OTOGL: variants seen among roughly 807,000 people sequenced by gnomAD.
OTOGL encodes otogelin-like protein.
OTOGL carries 285 observed loss-of-function variants against 318.5 expected under a neutral mutation model. That is an observed-to-expected ratio of 0.89 (90% CI 0.81 to 0.99). The LOEUF is 0.99. Among genes scored for constraint, OTOGL ranks in the 50% least tolerant of loss-of-function variants. The pLI is 0.00. For missense variants in OTOGL, 2,899 were observed against 2,845.6 expected (o/e 1.02, Z -0.43); for synonymous variants, 987 against 936.5 (o/e 1.05, Z -0.99).
chr12:80,354,295 G>T (rs748023143), intron 46 of OTOGL, among the ~76,000 whole-genome samples: 26 of 152,242 alleles, frequency 1.7e-4, no homozygotes, highest in Non-Finnish European at 1.8e-4. Flanking sequence ...CAAGGCAGGA[G>T]AAAAACCCTC....
intron 14 of OTOGL, among the ~76,000 whole-genome samples, chr12:80,254,016 A>C (rs17006556): frequency 0.028 from 4,249 of 152,194 alleles, 226 homozygotes; most frequent in African/African-American, 0.096. Context: ...ACAGTCCTAA[A>C]AAGAAACAGA....
chr12:80,318,445 AT>A, intron 32 of OTOGL, 100 bp from the exon 33 acceptor site: 1 of 840,054 alleles, frequency 1.2e-6, no homozygotes, highest in East Asian at 3.4e-5. Flanking sequence ...TAATTGCTCA[AT>A]TTTTGAAGTA....
intron 1 of OTOGL, chr12:80,133,418 T>A (rs1871355717): frequency 6.6e-6 from 1 of 152,328 alleles, no homozygotes; most frequent in East Asian, 1.9e-4. Flanking sequence ...GAAACTCTGA[T>A]CACCTGCACT....
intron 1 of OTOGL, among the ~76,000 whole-genome samples, chr12:80,135,472 C>T (rs1871507610): frequency 6.6e-6 from 1 of 152,008 alleles, no homozygotes; most frequent in African/African-American, 2.4e-5. Context: ...AGAGTTTCAC[C>T]ACGTTTGTCA....
intron 1 of OTOGL, among the ~76,000 whole-genome samples, chr12:80,150,803 C>A (rs934404812): frequency 1.3e-5 from 2 of 151,994 alleles, no homozygotes; most frequent in Non-Finnish European, 2.9e-5. Flanking sequence ...ATTTCTGTAC[C>A]CTACTGTAAG....
At position 80,223,673 on chromosome 12, in the gene OTOGL, G is replaced by A. The variant is rs141880046; in HGVS notation, c.489+1428G>A. 6.0e-3 allele frequency among the ~76,000 whole-genome samples: 910 copies of A among 152,140 alleles called. 3 individuals are homozygous for A. The highest frequency in any genetic ancestry group is 0.016 in the Admixed American group (250 of 15,266). ...TTGTGGTTTTCATTTGTTTTTCTCT[G>A]ATAATTAGTGATGTTGATAATTTTT... On this transcript the variant is annotated intron_variant, in intron 7 of 58. Transcript: ENST00000547103.
chr12:80,184,831 A>G (rs1875175292), intron 1 of OTOGL, among the ~76,000 whole-genome samples: 1 of 152,102 alleles, frequency 6.6e-6, no homozygotes, highest in Non-Finnish European at 1.5e-5. Flanking sequence ...TCAAAAATAA[A>G]CGTGGCTCCT....
chr12:80,128,824 T>C (rs1871042454), intron 1 of OTOGL, among the ~76,000 whole-genome samples: 1 of 152,198 alleles, frequency 6.6e-6, no homozygotes, highest in African/African-American at 2.4e-5. Context: ...TTCGTAGGCA[T>C]AGGACCCTCT....
At chr12:80,339,038 T>A (rs1156329822) in intron 42 of OTOGL, 37 bp from the exon 43 acceptor site, 1 of 1,442,836 alleles carries the variant, frequency 6.9e-7, no homozygotes, top group Admixed American at 2.0e-5. Context: ...TATATTTAAG[T>A]AAATATTTCT....
intron 1 of OTOGL, among the ~76,000 whole-genome samples, chr12:80,104,885 G>A (rs1227686956): frequency 1.3e-5 from 2 of 152,038 alleles, no homozygotes; most frequent in Admixed American, 6.6e-5. Context: ...ACCTGAGTTC[G>A]GGAGTTCGAC....
chr12:80,139,969 T>G (rs915635581), intron 1 of OTOGL, among the ~76,000 whole-genome samples: 1 of 152,172 alleles, frequency 6.6e-6, no homozygotes, highest in Non-Finnish European at 1.5e-5. Flanking sequence ...CTTTCCAGTT[T>G]CCTATGAATG....
chr12:80,321,089 A>C (rs1887303800), intron 34 of OTOGL, among the ~76,000 whole-genome samples: 1 of 152,092 alleles, frequency 6.6e-6, no homozygotes. Flanking sequence ...ACTCTAATTT[A>C]TCTGATTCTT....
Position 80,358,228 on chromosome 12 carries a change from G to C in OTOGL, c.6020-20G>C. 1 of 1,528,902 alleles carries C rather than the reference G, an allele frequency of 6.5e-7. No homozygotes were observed. Among genetic ancestry groups the C allele is most frequent in the Non-Finnish European group, 9.0e-7 (1 of 1,106,600 alleles). 94.7% of individuals were successfully genotyped at this position (1,528,902 alleles called of 1,614,324 possible). ...GGTTTTTAGCTCAGCTGTGATTTTT[G>C]GCTTCTTGTTTTACCTTAGTTTGTG... On this transcript the variant is annotated intron_variant, in intron 49 of 58. Coordinates refer to ENST00000547103, the MANE Select transcript of OTOGL (RefSeq NM_001378609.3).
chr12:80,319,040 T>G (rs1887158401), intron 33 of OTOGL, among the ~76,000 whole-genome samples: 1 of 152,196 alleles, frequency 6.6e-6, no homozygotes, highest in Non-Finnish European at 1.5e-5. Context: ...ATTCTTAATA[T>G]TTGAAAGGTT....
intron 26 of OTOGL, among the ~76,000 whole-genome samples, chr12:80,287,994 A>G (rs1884763182): frequency 1.3e-5 from 2 of 151,916 alleles, no homozygotes; most frequent in Admixed American, 1.3e-4. Flanking sequence ...TCATCGTGTC[A>G]TTGGTCTTTA....
intron 1 of OTOGL, chr12:80,103,222 G>A: frequency 6.9e-7 from 1 of 1,450,474 alleles, no homozygotes; most frequent in South Asian, 1.1e-5. Flanking sequence ...TTCTGTCTCA[G>A]CTCTTTGGAA....
Position 80,144,620 on chromosome 12 carries a change from G to A in OTOGL, c.-20+45015G>A, listed in dbSNP as rs578157458. Reference sequence around the variant, plus strand: ...GGTATTTCTAGTTCTAGATCCCTGAGGAATCACCACAATGACTTCCACAAT... The same window carrying A: ...GGTATTTCTAGTTCTAGATCCCTGAAGAATCACCACAATGACTTCCACAAT... On this transcript the variant is annotated intron_variant, in intron 1 of 58. Transcript: ENST00000547103. Among the ~76,000 whole-genome samples the A allele has an allele frequency of 4.3e-3, 647 of 152,036 alleles. 3 individuals carry two copies. Among genetic ancestry groups the A allele is most frequent in the Non-Finnish European group, 6.4e-3 (433 of 67,992 alleles).
chr12:80,355,931 G>C lies in OTOGL; in HGVS notation c.5789G>C (p.Cys1930Ser). The C allele has an allele frequency of 6.2e-7, 1 of 1,613,876 alleles. No individual in the cohort carries two copies. The highest frequency in any genetic ancestry group is 8.5e-7 in the Non-Finnish European group (1 of 1,179,800). ...VMGIIDKWTC[C>S]SKEVCGCDTT... ...GGCATCATTGATAAATGGACCTGCT[G>C]TTCAAAGGAAGTTTGTGGTATGTAT... Residue 1930 changes from cysteine (C) to serine (S), a missense_variant, in exon 47 of 59, where the codon TGT becomes TCT. Physicochemically the swap from Cys to Ser is moderately radical, Grantham distance 112. Coordinates refer to ENST00000547103, the MANE Select transcript of OTOGL (RefSeq NM_001378609.3).
At chr12:80,256,793 G>C (rs987557647) in intron 17 of OTOGL, among the ~76,000 whole-genome samples, 1 of 152,068 alleles carries the variant, frequency 6.6e-6, no homozygotes, top group African/African-American at 2.4e-5. Context: ...GGAGAGGGGT[G>C]TACTGAAATG....
Sources: allele counts gnomAD v4.1 joint callset (sites outside exome capture counted in the v4.1 genomes callset), GRCh38; gene constraint gnomAD v4.1.1; transcripts MANE v1.5; gene names NCBI Gene and HGNC (gene_info 2026-07-23, HGNC 2026-07-21).